CASP8: variants seen among roughly 807,000 people sequenced by gnomAD.
CASP8 encodes caspase 8, also known as caspase-8.
In CASP8, 24 loss-of-function variants were observed where a neutral mutation model predicts 46.3. The observed-to-expected ratio is 0.52, with a 90% CI of 0.38 to 0.73. The LOEUF is 0.73. Among genes scored for constraint, CASP8 ranks in the 30% least tolerant of loss-of-function variants. The pLI, the probability that CASP8 is intolerant of heterozygous loss-of-function variation, is 0.00. For missense variants in CASP8, 460 were observed against 559.0 expected, an observed-to-expected ratio of 0.82 and a Z score of 1.79; for synonymous variants, 188 against 200.4, an observed-to-expected ratio of 0.94 and a Z score of 0.52.
At chr2:201,237,213 C>G (rs1357692352) in intron 2 of CASP8, among the ~76,000 whole-genome samples, 1 of 151,170 alleles carries the variant, frequency 6.6e-6, no homozygotes, top group African/African-American at 2.4e-5. Flanking sequence ...ACCTCAGCCT[C>G]CTGAGTAGCT....
chr2:201,270,218 G>A (rs1018450916), intron 2 of CASP8, among the ~76,000 whole-genome samples: 8 of 152,164 alleles, frequency 5.3e-5, no homozygotes, highest in Non-Finnish European at 1.2e-4. Context: ...TCACATAAAT[G>A]TGATAGGCAT....
intron 2 of CASP8, among the ~76,000 whole-genome samples, chr2:201,252,862 A>G (rs1946847217): frequency 6.6e-6 from 1 of 152,214 alleles, no homozygotes; most frequent in Non-Finnish European, 1.5e-5. Context: ...TTTTGTTACT[A>G]CCACAGATAC....
At chr2:201,275,976 CTT>C (rs1446915400) in intron 6 of CASP8, among the ~76,000 whole-genome samples, 2 of 152,142 alleles carry the variant, frequency 1.3e-5, no homozygotes, top group African/African-American at 2.4e-5. Context: ...TTGGTACAAA[CTT>C]AATCAAATAT....
Position 201,287,327 on chromosome 2 carries a change from G to C in CASP8, c.*733G>C, listed in dbSNP as rs1949605630. 6.6e-6 allele frequency: 1 copy of C among 152,542 alleles called. No individual in the cohort carries two copies. Among genetic ancestry groups the C allele is most frequent in the Admixed American group, 6.5e-5 (1 of 15,282 alleles). 9.4% of individuals were successfully genotyped at this position (152,542 alleles called of 1,614,324 possible). On this transcript the variant is annotated 3_prime_UTR_variant, in exon 9 of 9. Transcript: ENST00000673742. Reference sequence around the variant, plus strand: ...GTGGGAGGATTGCTTGAACCCAAGAGGTCAAGGCTGCAGTGAGCCATGTTC... The same window carrying C: ...GTGGGAGGATTGCTTGAACCCAAGACGTCAAGGCTGCAGTGAGCCATGTTC...
chr2:201,248,434 C>T (rs1946632808), intron 2 of CASP8, among the ~76,000 whole-genome samples: 1 of 152,164 alleles, frequency 6.6e-6, no homozygotes, highest in Admixed American at 6.5e-5. Context: ...GCAACATCAT[C>T]AATTTAGGTT....
At chr2:201,260,665 CT>C (rs1234245937) in intron 1 of CASP8, 52 bp downstream of exon 1, 2 of 651,130 alleles carry the variant, frequency 3.1e-6, no homozygotes, top group African/African-American at 3.9e-5. Context: ...GGAGGAAGGC[CT>C]TTGATTCTGG....
intron 6 of CASP8, among the ~76,000 whole-genome samples, chr2:201,276,282 G>A (rs545036676): frequency 6.6e-6 from 1 of 152,310 alleles, no homozygotes; most frequent in African/African-American, 2.4e-5. Flanking sequence ...AGCCACCGTG[G>A]TCCTGAGAGC....
At chr2:201,244,649 A>C (rs140278597) in intron 2 of CASP8, among the ~76,000 whole-genome samples, 2 of 152,224 alleles carry the variant, frequency 1.3e-5, no homozygotes, top group African/African-American at 4.8e-5. Context: ...TATGGAAAAC[A>C]TTGAATTAGA....
chr2:201,267,075 A>C (rs1391783354), intron 2 of CASP8, among the ~76,000 whole-genome samples: 1 of 152,184 alleles, frequency 6.6e-6, no homozygotes, highest in African/African-American at 2.4e-5. Context: ...CACCGGAGCC[A>C]GATTAAGAAA....
At chr2:201,243,107 A>G (rs1395468212) in intron 2 of CASP8, among the ~76,000 whole-genome samples, 2 of 152,216 alleles carry the variant, frequency 1.3e-5, no homozygotes, top group Non-Finnish European at 2.9e-5. Context: ...GTCAACAAGC[A>G]TAAAGTTTTA....
At chr2:201,251,667 C>T (rs866519332) in intron 2 of CASP8, among the ~76,000 whole-genome samples, 2 of 150,912 alleles carry the variant, frequency 1.3e-5, no homozygotes, top group South Asian at 4.2e-4. Flanking sequence ...CTTTGGGAGG[C>T]GGAGGCAGGT....
chr2:201,252,186 T>C (rs1378256086), intron 2 of CASP8, among the ~76,000 whole-genome samples: 1 of 152,260 alleles, frequency 6.6e-6, no homozygotes, highest in East Asian at 1.9e-4. Flanking sequence ...TTCAGATCTC[T>C]TGCCCACTTT....
chr2:201,265,758 T>G (rs1465880968), intron 1 of CASP8, among the ~76,000 whole-genome samples: 1 of 152,122 alleles, frequency 6.6e-6, no homozygotes, highest in Non-Finnish European at 1.5e-5. Context: ...TTGTAGTTAC[T>G]TTATTGAGCT....
In CASP8 at chr2:201,266,481, A is replaced by G; in HGVS notation, c.-6A>G. The G allele has an allele frequency of 1.2e-6, 2 of 1,613,086 alleles. No individual in the cohort carries two copies. Among genetic ancestry groups the G allele is most frequent in the South Asian group, 1.1e-5 (1 of 91,064 alleles). ...CTTAGATTATATTCTCCTGCCTTTT[A>G]AAAAGATGGACTTCAGCAGAAATCT... On this transcript the variant is annotated 5_prime_UTR_variant, in exon 2 of 9. Transcript: ENST00000673742. This position sits in a 1 kb window ranked among gnomAD's most constrained non-coding sequence, Gnocchi z 5.7.
At chr2:201,245,552 T>C (rs776579094) in intron 2 of CASP8, among the ~76,000 whole-genome samples, 6 of 152,170 alleles carry the variant, frequency 3.9e-5, no homozygotes, top group Admixed American at 2.6e-4. Context: ...CTGGACTTGA[T>C]AACCATCCGG....
At chr2:201,268,956 T>TGTGA (rs1553602753) in intron 2 of CASP8, among the ~76,000 whole-genome samples, 92 of 133,380 alleles carry the variant, frequency 6.9e-4, no homozygotes, top group East Asian at 1.8e-3. Flanking sequence ...TGTGTGTGTG[T>TGTGA]GAGACAGTGT....
Position 201,266,572 on chromosome 2 carries a change from A to G in CASP8, c.86A>G (p.Tyr29Cys), listed in dbSNP as rs1430228154. 1 of 1,614,196 alleles carries G rather than the reference A, an allele frequency of 6.2e-7. No homozygotes were observed. ...LASLKFLSLD[Y>C]IPQRKQEPIK... ...TCCCTCAAGTTCCTGAGCCTGGACTACATTCCGCAAAGGAAGCAAGAACCC... is the reference window on the plus strand; with the variant it reads ...TCCCTCAAGTTCCTGAGCCTGGACTGCATTCCGCAAAGGAAGCAAGAACCC... Residue 29 changes from tyrosine (Y) to cysteine (C), a missense_variant, in exon 2 of 9, where the codon TAC (tyrosine) becomes TGC (cysteine). By Grantham distance (194) the Tyr-to-Cys change is radical. Transcript: ENST00000673742. The surrounding 1 kb of genome is among the most constrained non-coding windows in gnomAD (Gnocchi z 5.7).
chr2:201,250,344 G>A (rs966030913), intron 2 of CASP8, among the ~76,000 whole-genome samples: 2 of 152,234 alleles, frequency 1.3e-5, no homozygotes, highest in African/African-American at 4.8e-5. Flanking sequence ...GCTCTAAAGA[G>A]ATACCTGAGG....
chr2:201,266,965 G>A lies in CASP8; in HGVS notation c.305+174G>A, dbSNP rs1014272077. On this transcript the variant is annotated intron_variant, in intron 2 of 8. Transcript: ENST00000673742. The surrounding 1 kb of genome is among the most constrained non-coding windows in gnomAD (Gnocchi z 5.7). ...GCCTTGGGTGGTCCTGCTAAAGGCT[G>A]TAAAACTTAGCTTCTCCCCACCCTA... Among the ~76,000 whole-genome samples, 1 of 152,070 alleles carries A rather than the reference G, an allele frequency of 6.6e-6. No individual in the cohort carries two copies. The highest frequency in any genetic ancestry group is 1.5e-5 in the Non-Finnish European group (1 of 68,010).
Sources: gnomAD v4.1 joint callset for allele counts (sites outside exome capture counted in the v4.1 genomes callset) on GRCh38, gnomAD v4.1.1 for gene constraint, Gnocchi (gnomAD v3.1) non-coding constraint, MANE v1.5 for transcripts, NCBI Gene and HGNC (gene_info 2026-07-23, HGNC 2026-07-21) for gene names.